DLC1: variants seen among roughly 807,000 people sequenced by gnomAD.
DLC1 encodes DLC1 Rho GTPase activating protein.
DLC1 carries 54 observed loss-of-function variants against 140.3 expected under a neutral mutation model. That is an observed-to-expected ratio of 0.38 (90% CI 0.31 to 0.48). The LOEUF (loss-of-function observed/expected upper bound fraction) is 0.48. Among genes scored for constraint, DLC1 ranks in the 20% least tolerant of loss-of-function variants. The pLI is 0.96. For synonymous variants in DLC1, 986 were observed against 728.1 expected, an observed-to-expected ratio of 1.35 and a Z score of -5.70; for missense variants, 2,536 against 1,907.0, an observed-to-expected ratio of 1.33 and a Z score of -6.14.
At chr8:13,273,433 C>T (rs1349791493) in intron 5 of DLC1, among the ~76,000 whole-genome samples, 1 of 152,134 alleles carries the variant, frequency 6.6e-6, no homozygotes, top group Non-Finnish European at 1.5e-5. Flanking sequence ...TTAACAGAAA[C>T]TCCTGTGGGA....
chr8:13,512,995 G>A (rs1802445777), intron 1 of DLC1, among the ~76,000 whole-genome samples: 1 of 140,424 alleles, frequency 7.1e-6, no homozygotes, highest in Admixed American at 7.5e-5. Context: ...TAAATTAGAG[G>A]AACTGCAAAT....
chr8:13,401,391 G>A (rs770557443), intron 3 of DLC1, 79 bp downstream of exon 3: 6 of 1,534,186 alleles, frequency 3.9e-6, no homozygotes, highest in Non-Finnish European at 5.3e-6. Context: ...TAACAAGGAT[G>A]TTGCCTTTGC....
At chr8:13,184,721 T>A (rs1330270884) in intron 5 of DLC1, among the ~76,000 whole-genome samples, 4 of 152,192 alleles carry the variant, frequency 2.6e-5, no homozygotes. Context: ...CTTCCATTTA[T>A]GTGGTCAATT....
chr8:13,197,306 C>G (rs1453013031), intron 5 of DLC1, among the ~76,000 whole-genome samples: 1 of 152,014 alleles, frequency 6.6e-6, no homozygotes, highest in Non-Finnish European at 1.5e-5. Context: ...TAATTAGTAA[C>G]TATTTAAGCC....
intron 5 of DLC1, among the ~76,000 whole-genome samples, chr8:13,170,155 C>A (rs1006989713): frequency 2.1e-4 from 32 of 152,184 alleles, no homozygotes; most frequent in African/African-American, 7.5e-4. Flanking sequence ...ATTGTTAAGA[C>A]ATGCTATACT....
intron 2 of DLC1, among the ~76,000 whole-genome samples, chr8:13,422,432 G>C (rs1838359928): frequency 1.3e-5 from 2 of 151,400 alleles, no homozygotes. Context: ...TGAGTATGTT[G>C]TCTACATAAT....
At chr8:13,199,707 A>G (rs1221410262) in intron 5 of DLC1, among the ~76,000 whole-genome samples, 1 of 152,130 alleles carries the variant, frequency 6.6e-6, no homozygotes, top group Non-Finnish European at 1.5e-5. Context: ...TGTTATTTCT[A>G]TGTATTTATG....
At chr8:13,226,860 C>G (rs1479867602) in intron 5 of DLC1, among the ~76,000 whole-genome samples, 6 of 152,126 alleles carry the variant, frequency 3.9e-5, no homozygotes, top group Admixed American at 3.9e-4. Flanking sequence ...GTAGATTGTC[C>G]TGGGTATAGC....
chr8:13,389,787 C>G (rs1455788979), intron 4 of DLC1, among the ~76,000 whole-genome samples: 1 of 152,042 alleles, frequency 6.6e-6, no homozygotes, highest in Non-Finnish European at 1.5e-5. Context: ...GTGGTCACTA[C>G]TATAAATAGA....
At chr8:13,535,035 A>C (rs1414777318) in intron 1 of DLC1, among the ~76,000 whole-genome samples, 1 of 152,184 alleles carries the variant, frequency 6.6e-6, no homozygotes, top group African/African-American at 2.4e-5. Flanking sequence ...ATATTTGTTG[A>C]GAGTTCTTTA....
In DLC1 at chr8:13,102,866, G is replaced by C. The variant is rs756641304; in HGVS notation, c.1503-13C>G. ...AGTATTTAGACGCCTATAGAGCAAAGAAATAACGTTAGCAAAGATAGGCAA... is the reference window on the plus strand; with the variant it reads ...AGTATTTAGACGCCTATAGAGCAAACAAATAACGTTAGCAAAGATAGGCAA... On this transcript the variant is annotated splice_polypyrimidine_tract_variant and intron_variant, in intron 7 of 17. Coordinates refer to ENST00000276297, the MANE Select transcript of DLC1 (RefSeq NM_182643.3). The C allele has an allele frequency of 1.9e-6, 3 of 1,612,150 alleles. No individual in the cohort carries two copies. The highest frequency in any genetic ancestry group is 1.7e-6 in the Non-Finnish European group (2 of 1,179,434).
At chr8:13,553,153 A>C (rs1266216730) in intron 1 of DLC1, among the ~76,000 whole-genome samples, 7 of 144,762 alleles carry the variant, frequency 4.8e-5, no homozygotes, top group African/African-American at 1.8e-4. Context: ...GCTAATTATC[A>C]ATAAAGTAAC....
chr8:13,569,960 A>C (rs1432046133), intron 1 of DLC1, among the ~76,000 whole-genome samples: 2 of 152,176 alleles, frequency 1.3e-5, no homozygotes, highest in Admixed American at 6.5e-5. Context: ...TCCTGAGCTC[A>C]AGCAATCCTC....
chr8:13,127,907 A>G (rs1821721491), intron 5 of DLC1, among the ~76,000 whole-genome samples: 1 of 152,218 alleles, frequency 6.6e-6, no homozygotes, highest in African/African-American at 2.4e-5. Flanking sequence ...ACTCAGCTTC[A>G]CTGACCTCAG....
rs531021248 is a variant in DLC1, at chr8:13,573,688, T to C, written c.-126+30849A>G. Among the ~76,000 whole-genome samples the C allele has an allele frequency of 2.6e-5, 4 of 152,312 alleles. No individual in the cohort carries two copies. In the South Asian group the frequency reaches 8.3e-4, roughly 32 times the overall value. On this transcript the variant is annotated intron_variant, in intron 1 of 1. Transcript: ENST00000631382. ...GTTTCGTATTTTGTCAGTTTTTTCCTGCATCCATTGAAATAATCTTGTAGT... is the reference window on the plus strand; with the variant it reads ...GTTTCGTATTTTGTCAGTTTTTTCCCGCATCCATTGAAATAATCTTGTAGT...
At chr8:13,567,253 A>T in intron 1 of DLC1, 1 of 1,551,710 alleles carries the variant, frequency 6.4e-7, no homozygotes, top group Non-Finnish European at 8.7e-7. Context: ...TAAAAAATGG[A>T]TCAACTACCT....
intron 5 of DLC1, among the ~76,000 whole-genome samples, chr8:13,258,978 A>G (rs1830369861): frequency 6.6e-6 from 1 of 151,936 alleles, no homozygotes; most frequent in Non-Finnish European, 1.5e-5. Flanking sequence ...TCTACTAAAA[A>G]TACAAAAAAT....
At chr8:13,360,777 A>G (rs1436037448) in intron 4 of DLC1, among the ~76,000 whole-genome samples, 10 of 152,184 alleles carry the variant, frequency 6.6e-5, no homozygotes, top group Admixed American at 1.3e-4. Flanking sequence ...AATAAAATTC[A>G]TAATCTTACT....
At chr8:13,462,240 C>T (rs935017464) in intron 2 of DLC1, among the ~76,000 whole-genome samples, 1 of 151,878 alleles carries the variant, frequency 6.6e-6, no homozygotes, top group African/African-American at 2.4e-5. Context: ...GAAAATTTAC[C>T]AATTTTTTAT....
Sources: gnomAD v4.1 joint callset for allele counts (sites outside exome capture counted in the v4.1 genomes callset) on GRCh38, gnomAD v4.1.1 for gene constraint, MANE v1.5 for transcripts, NCBI Gene and HGNC (gene_info 2026-07-23, HGNC 2026-07-21) for gene names.